GOLGA3: variants seen among roughly 807,000 people sequenced by gnomAD.
GOLGA3 encodes the protein golgin subfamily A member 3.
GOLGA3 carries 75 observed loss-of-function variants against 169.4 expected under a neutral mutation model. The ratio of observed to expected loss-of-function variants is 0.44; its 90% CI spans 0.37 to 0.54. The LOEUF (loss-of-function observed/expected upper bound fraction) is 0.54. Ranked by LOEUF, GOLGA3 falls within the 20% of genes least tolerant of loss-of-function variation. GOLGA3 has a pLI of 0.00. For synonymous variants in GOLGA3, 824 were observed against 822.4 expected, an observed-to-expected ratio of 1.00 and a Z score of -0.03; for missense variants, 1,899 against 1,930.0, an observed-to-expected ratio of 0.98 and a Z score of 0.30.
At chr12:132,778,523 A>G (rs530311519) in intron 18 of GOLGA3, among the ~76,000 whole-genome samples, 4 of 152,162 alleles carry the variant, frequency 2.6e-5, no homozygotes, top group African/African-American at 7.2e-5. Context: ...GTGAGCCGAG[A>G]TCGCGCCACT....
intron 17 of GOLGA3, 60 bp downstream of exon 17, chr12:132,782,236 T>C: frequency 7.3e-7 from 1 of 1,375,172 alleles, no homozygotes; most frequent in East Asian, 2.3e-5. Context: ...ATTCTCGGAG[T>C]GCGCACAGCC....
chr12:132,787,662 C>CCGGGACCCCTCCCCGGAGACCA (rs2045979111), intron 13 of GOLGA3, among the ~76,000 whole-genome samples: 2 of 57,798 alleles, frequency 3.5e-5, no homozygotes, highest in Admixed American at 1.5e-4. Flanking sequence ...CCCGGAGACC[C>CCGGGACCCCTCCCCGGAGACCA]CGGGACCCCT....
chr12:132,821,797 C>T (rs372016480), intron 2 of GOLGA3, among the ~76,000 whole-genome samples, 199 bp downstream of exon 2: 1,556 of 122,170 alleles, frequency 0.013, 60 homozygotes, highest in Middle Eastern at 0.018. Flanking sequence ...GAGCTTGCAG[C>T]GAGCCGAGAT....
At chr12:132,789,420 AT>A in intron 12 of GOLGA3, 130 bp from the exon 13 acceptor site, 1 of 724,158 alleles carries the variant, frequency 1.4e-6, no homozygotes, top group Non-Finnish European at 2.2e-6. Context: ...GTAAAGATAC[AT>A]TTCATCAAAT....
At chr12:132,812,760 C>A (rs1283257573) in intron 4 of GOLGA3, among the ~76,000 whole-genome samples, 3 of 152,180 alleles carry the variant, frequency 2.0e-5, no homozygotes, top group Admixed American at 1.3e-4. Context: ...ACAGAGACAT[C>A]TTTTCTAAGA....
chr12:132,801,645 C>T, intron 8 of GOLGA3, 122 bp downstream of exon 8: 2 of 902,088 alleles, frequency 2.2e-6, no homozygotes, highest in African/African-American at 1.9e-5. Context: ...GTGGGCTGGA[C>T]AGCAGGTTAA....
chr12:132,780,754 G>T, intron 18 of GOLGA3, 44 bp downstream of exon 18: 1 of 1,204,612 alleles, frequency 8.3e-7, no homozygotes. Context: ...CTAGGCACTG[G>T]AGCGTCCTCT....
chr12:132,821,577 A>G (rs901947296), intron 2 of GOLGA3, among the ~76,000 whole-genome samples: 3 of 151,574 alleles, frequency 2.0e-5, no homozygotes, highest in East Asian at 2.0e-4. Context: ...TGGGCCGGGC[A>G]CAGTGGCTCA....
intron 4 of GOLGA3, among the ~76,000 whole-genome samples, chr12:132,812,246 A>G (rs1041665762): frequency 6.7e-6 from 1 of 148,764 alleles, no homozygotes; most frequent in Non-Finnish European, 1.5e-5. Flanking sequence ...TTAACTGCTC[A>G]TTGACAATAC....
intron 1 of GOLGA3, 82 bp from the exon 2 acceptor site, chr12:132,822,393 A>G (rs370981905): frequency 4.0e-6 from 3 of 745,598 alleles, no homozygotes. Flanking sequence ...TTGGTTCCCA[A>G]TTTGCATACG....
chr12:132,788,938 G>A, intron 13 of GOLGA3, 89 bp downstream of exon 13: 3 of 396,444 alleles, frequency 7.6e-6, no homozygotes, highest in South Asian at 7.3e-5. Context: ...CCCAGACACA[G>A]GCCCCGCCCC....
At chr12:132,813,934 C>G (rs567988018) in intron 3 of GOLGA3, among the ~76,000 whole-genome samples, 12 of 151,742 alleles carry the variant, frequency 7.9e-5, no homozygotes, top group Non-Finnish European at 1.3e-4. Context: ...CCATGTTAGT[C>G]AGGATGGTCT....
chr12:132,773,884 TTATA>T (rs1226476681), intron 23 of GOLGA3, among the ~76,000 whole-genome samples: 1 of 130,866 alleles, frequency 7.6e-6, no homozygotes, highest in Non-Finnish European at 1.6e-5. Context: ...CCCTCCCCCT[TTATA>T]TAAACCACAG....
rs138869053 is a variant in GOLGA3 at position 132,816,757 on chromosome 12, C to T, written c.189G>A (p.Gln63=). 7 of 1,612,178 alleles carry T rather than the reference C, an allele frequency of 4.3e-6. No homozygotes were observed. The highest frequency in any genetic ancestry group is 1.3e-5 in the African/African-American group (1 of 74,884). The part of the protein sequence containing the change: ...TEGESPDGPG[Q]GGLCQNGPTP... ...TTGGCCCGTTCTGACAGAGGCCTCC[C>T]TGGCCAGGTCCATCCGGGCTTTCCC... The change falls in exon 3 of 24, where the codon CAG becomes CAA. Residue 63 remains glutamine, a synonymous_variant. Coordinates refer to ENST00000450791, the MANE Select transcript of GOLGA3 (RefSeq NM_001389683.1).
At chr12:132,803,351 T>C (rs1009458907) in intron 7 of GOLGA3, among the ~76,000 whole-genome samples, 2 of 152,158 alleles carry the variant, frequency 1.3e-5, no homozygotes, top group Non-Finnish European at 2.9e-5. Flanking sequence ...AGGAAATCTG[T>C]GAAAATGGTC....
chr12:132,775,897 C>T (rs973399520), intron 21 of GOLGA3, among the ~76,000 whole-genome samples: 1 of 152,282 alleles, frequency 6.6e-6, no homozygotes, highest in African/African-American at 2.4e-5. Context: ...TTTTCCCACG[C>T]ACCCTCCCAT....
intron 12 of GOLGA3, among the ~76,000 whole-genome samples, chr12:132,789,557 T>G (rs934545280): frequency 5.9e-5 from 9 of 152,020 alleles, no homozygotes; most frequent in Admixed American, 5.2e-4. Context: ...TTCCAAGGAG[T>G]CTGGCTCTCT....
chr12:132,813,810 C>T lies in GOLGA3; in HGVS notation c.407-391G>A, dbSNP rs952606296. ...CATGATCTCGGCTCACAGCAACCTCCGCCTCCCAGGTTCACACCATTCTCC... is the reference window on the plus strand; with the variant it reads ...CATGATCTCGGCTCACAGCAACCTCTGCCTCCCAGGTTCACACCATTCTCC... On this transcript the variant is annotated intron_variant, in intron 3 of 23. Transcript: ENST00000450791. Among the ~76,000 whole-genome samples, 19 of 150,666 alleles carry T rather than the reference C, an allele frequency of 1.3e-4. No homozygotes were observed. In the East Asian group the frequency reaches 3.5e-3, roughly 28 times the overall value.
At position 132,779,801 on chromosome 12, in the gene GOLGA3, GCA is replaced by G. The variant is rs546932868; in HGVS notation, c.3582+995_3582+996del. ...CCCCGTGCACATACACACACCCCAG[GCA>G]CACACGTGTGTGCACACACACCACA... is the stretch of plus-strand genomic sequence containing the variant. On this transcript the variant is annotated intron_variant, in intron 18 of 23. Coordinates refer to ENST00000450791, the MANE Select transcript of GOLGA3 (RefSeq NM_001389683.1). Among the ~76,000 whole-genome samples, 446 of 91,936 alleles carry G rather than the reference GCA, an allele frequency of 4.9e-3. 4 individuals carry two copies. The highest frequency in any genetic ancestry group is 0.018 in the African/African-American group (423 of 23,530). The allele number at this position is 91,936 out of a possible 152,430, so 60.3% of individuals were successfully genotyped here.
Sources: gnomAD v4.1 joint callset for allele counts (sites outside exome capture counted in the v4.1 genomes callset) on GRCh38, gnomAD v4.1.1 for gene constraint, MANE v1.5 for transcripts, NCBI Gene and HGNC (gene_info 2026-07-23, HGNC 2026-07-21) for gene names.